Variants in DEPDC1 observed in about 807,000 individuals in gnomAD.
DEPDC1 encodes the protein DEP domain containing 1.
DEPDC1 carries 66 observed loss-of-function variants against 86.8 expected under a neutral mutation model. That is an observed-to-expected ratio of 0.76 (90% CI 0.62 to 0.93). DEPDC1 has a LOEUF of 0.93. Ranked by LOEUF, DEPDC1 falls within the 40% of genes least tolerant of loss-of-function variation. The pLI is 0.00. For synonymous variants in DEPDC1, 255 were observed against 314.9 expected, an observed-to-expected ratio of 0.81 and a Z score of 2.02; for missense variants, 792 against 935.7, an observed-to-expected ratio of 0.85 and a Z score of 2.00.
At chr1:68,483,334 T>C (rs1406045791) in intron 7 of DEPDC1, 1 of 516,662 alleles carries the variant, frequency 1.9e-6, no homozygotes, top group East Asian at 5.5e-5. Context: ...TAGTTACTCA[T>C]AACAAGCCTA....
At position 68,494,448 on chromosome 1, in the gene DEPDC1, T is replaced by C. The variant is rs762606841; in HGVS notation, c.296A>G (p.Asp99Gly). ...KGRWGSENVD[D>G]NNQLFRFPAT... ...TCATTACCTGAAGAGCTGGTTGTTA[T>C]CATCAACATTTTCTGATCCCCACCT... Residue 99 changes from aspartate (D) to glycine (G), a missense_variant, in exon 2 of 12, where the codon GAT (aspartate) becomes GGT (glycine). Physicochemically the swap from Asp to Gly is moderately conservative, Grantham distance 94. Transcript: ENST00000456315. The C allele has an allele frequency of 5.4e-5, 87 of 1,613,348 alleles. No homozygotes were observed. The highest frequency in any genetic ancestry group is 7.3e-5 in the Non-Finnish European group (86 of 1,179,600).
intron 6 of DEPDC1, among the ~76,000 whole-genome samples, chr1:68,484,725 T>C (rs1327419616): frequency 2.0e-5 from 3 of 151,978 alleles, no homozygotes; most frequent in Admixed American, 6.6e-5. Flanking sequence ...GGCCCAGGAC[T>C]TTTAAAGCTA....
chr1:68,491,190 T>C (rs1450498810), intron 2 of DEPDC1, among the ~76,000 whole-genome samples: 1 of 152,178 alleles, frequency 6.6e-6, no homozygotes, highest in African/African-American at 2.4e-5. Flanking sequence ...AAATGGACTG[T>C]AGTTACATGA....
In DEPDC1 at chr1:68,496,858, C is replaced by CGAGGTAAAACTGCGAACGGT; in HGVS notation, c.48+93_48+94insACCGTTCGCAGTTTTACCTC. 7.8e-7 allele frequency: 1 copy of CGAGGTAAAACTGCGAACGGT among 1,285,468 alleles called. No individual in the cohort carries two copies. Among genetic ancestry groups the CGAGGTAAAACTGCGAACGGT allele is most frequent in the Non-Finnish European group, 1.1e-6 (1 of 898,716 alleles). 79.6% of individuals were successfully genotyped at this position (1,285,468 alleles called of 1,614,324 possible). A position where few individuals can be genotyped will look rare whatever the true frequency, so the allele number is the denominator to read the frequency against. On this transcript the variant is annotated intron_variant, in intron 1 of 11. Coordinates refer to ENST00000456315, the MANE Select transcript of DEPDC1 (RefSeq NM_001114120.3). This position sits in a 1 kb window ranked among gnomAD's most constrained non-coding sequence, Gnocchi z 4.0. ...GGGATCCTGGGACTCATCCCTCCGACCGAGGTAAAACTGCGAACGGTCGAG... is the reference window on the plus strand; with the variant it reads ...GGGATCCTGGGACTCATCCCTCCGACGAGGTAAAACTGCGAACGGTCGAGGTAAAACTGCGAACGGTCGAG...
chr1:68,496,349 C>T lies in DEPDC1; in HGVS notation c.48+603G>A, dbSNP rs535839907. On this transcript the variant is annotated intron_variant, in intron 1 of 11. Coordinates refer to ENST00000456315, the MANE Select transcript of DEPDC1 (RefSeq NM_001114120.3). The surrounding 1 kb of genome is among the most constrained non-coding windows in gnomAD (Gnocchi z 4.0). ...ACCAGCACCACAGTATCCTATAGAA[C>T]CGAAGACCCAACTGCACAAAACGCG... 6.6e-6 allele frequency among the ~76,000 whole-genome samples: 1 copy of T among 152,286 alleles called. No homozygotes were observed. The highest frequency in any genetic ancestry group is 1.5e-5 in the Non-Finnish European group (1 of 68,020).
Position 68,494,537 on chromosome 1 carries a change from C to T in DEPDC1, c.207G>A (p.Arg69=), listed in dbSNP as rs905729786. The T allele has an allele frequency of 1.9e-6, 3 of 1,613,678 alleles. No individual in the cohort carries two copies. The highest frequency in any genetic ancestry group is 2.5e-6 in the Non-Finnish European group (3 of 1,179,734). ...TCCTCAACAGTTGGATAGTCTGTTG[C>T]CTTGTAACTTCAGGACCAAAATTGC... ...NNSNFGPEVT[R]QQTIQLLRKF... Residue 69 remains arginine, a synonymous_variant, in exon 2 of 12, where the codon AGG becomes AGA. Transcript: ENST00000456315.
At chr1:68,489,735 A>C in intron 2 of DEPDC1, 127 bp from the exon 3 acceptor site, 1 of 625,164 alleles carries the variant, frequency 1.6e-6, no homozygotes, top group Non-Finnish European at 2.6e-6. Flanking sequence ...AAGATTCTAG[A>C]CAAATAAATT....
At chr1:68,483,793 C>T (rs991029794) in intron 7 of DEPDC1, among the ~76,000 whole-genome samples, 157 bp downstream of exon 7, 5 of 151,856 alleles carry the variant, frequency 3.3e-5, no homozygotes, top group South Asian at 4.1e-4. Context: ...GTTGGCTGGG[C>T]GGAAGTATGA....
intron 2 of DEPDC1, among the ~76,000 whole-genome samples, chr1:68,493,055 A>C (rs1646240046): frequency 6.6e-6 from 1 of 152,192 alleles, no homozygotes; most frequent in South Asian, 2.1e-4. Flanking sequence ...AAGACATGGC[A>C]TGAGATTGCC....
rs999986728 is a variant in DEPDC1 at position 68,475,107 on chromosome 1, A to G, written c.*1825T>C. On this transcript the variant is annotated 3_prime_UTR_variant, in exon 12 of 12. Coordinates refer to ENST00000456315, the MANE Select transcript of DEPDC1 (RefSeq NM_001114120.3). ...TACTATTATAATATTCATTTTATAGATAACAAAACTGGGGCTTAGAGAAGT... is the reference window on the plus strand; with the variant it reads ...TACTATTATAATATTCATTTTATAGGTAACAAAACTGGGGCTTAGAGAAGT... The G allele has an allele frequency of 8.6e-5, 13 of 152,028 alleles. No homozygotes were observed. The highest frequency in any genetic ancestry group is 7.2e-4 in the Admixed American group (11 of 15,248). The allele number at this position is 152,028 out of a possible 1,614,324, so 9.4% of individuals were successfully genotyped here.
rs1157555988 is a variant in DEPDC1, at chr1:68,496,965, C to G, written c.35G>C (p.Arg12Pro). 1.9e-6 allele frequency: 3 copies of G among 1,612,432 alleles called. No individual in the cohort carries two copies. Among genetic ancestry groups the G allele is most frequent in the Non-Finnish European group, 2.5e-6 (3 of 1,179,108 alleles). Residue 12 changes from arginine to proline, a missense_variant, in exon 1 of 12, where the codon CGG (arginine) becomes CCG (proline). Arg to Pro is a moderately radical substitution (Grantham distance 103). Transcript: ENST00000456315. The surrounding 1 kb of genome is among the most constrained non-coding windows in gnomAD (Gnocchi z 4.0). ...GAGCTGTCTTACCAGCTTGGTGGCC[C>G]GATAAGGCCCGGGAGGCACACCCTG... ...ESQGVPPGPY[R>P]ATKLWNEVTT... is the part of the protein sequence containing the mutation.
chr1:68,477,399 G>A (rs1457082864), intron 11 of DEPDC1, among the ~76,000 whole-genome samples: 1 of 151,562 alleles, frequency 6.6e-6, no homozygotes, highest in Admixed American at 6.6e-5. Flanking sequence ...CTTAGAATTA[G>A]ACATGCCAAA....
At chr1:68,477,718 T>C (rs912302841) in intron 11 of DEPDC1, 69 bp downstream of exon 11, 1 of 1,008,916 alleles carries the variant, frequency 9.9e-7, no homozygotes, top group African/African-American at 1.6e-5. Flanking sequence ...AGATTCTAAA[T>C]GTTATTAACA....
In DEPDC1 at chr1:68,482,319, A is replaced by T. The variant is rs756797784; in HGVS notation, c.1489T>A (p.Leu497Met). 4.3e-6 allele frequency: 7 copies of T among 1,612,660 alleles called. No homozygotes were observed. The Admixed American group carries it at 1.0e-4, about 23-fold the overall frequency. ...TTTGACTTGCATTTCCCATTACACA[A>T]CTCCTCTTGGTCTTGAACAGTCAAA... ...STLTVQDQEELCNGKCKSKQL... is the reference protein window; with the variant it reads ...STLTVQDQEEMCNGKCKSKQL... Residue 497 changes from leucine (L) to methionine (M), a missense_variant, in exon 8 of 12, where the codon TTG (leucine) becomes ATG (methionine). Leu to Met is a conservative substitution (Grantham distance 15). Transcript: ENST00000456315.
intron 9 of DEPDC1, among the ~76,000 whole-genome samples, chr1:68,479,542 C>T (rs1191394065): frequency 6.6e-6 from 1 of 151,886 alleles, no homozygotes; most frequent in Non-Finnish European, 1.5e-5. Flanking sequence ...GTGGTTCATG[C>T]CTGTAATCTA....
At position 68,486,412 on chromosome 1, in the gene DEPDC1, C is replaced by A. The variant is rs115909338; in HGVS notation, c.769+525G>T. On this transcript the variant is annotated intron_variant, in intron 6 of 11. Coordinates refer to ENST00000456315, the MANE Select transcript of DEPDC1 (RefSeq NM_001114120.3). ...GGCCTCCTCAGCCATGTTTCCTATACAACCTGTGGAACCATGAGCCAATTA... is the reference window on the plus strand; with the variant it reads ...GGCCTCCTCAGCCATGTTTCCTATAAAACCTGTGGAACCATGAGCCAATTA... Among the ~76,000 whole-genome samples, 1,377 of 152,176 alleles carry A rather than the reference C, an allele frequency of 9.0e-3. 22 individuals are homozygous for A. Among genetic ancestry groups the A allele is most frequent in the African/African-American group, 0.031 (1,284 of 41,530 alleles).
Position 68,477,803 on chromosome 1 carries a change from CT to C in DEPDC1, c.2281del (p.Arg761GlufsTer4), listed in dbSNP as rs1367994259. ...TTCTCTTACCTGTTTTAGTTTTTTTCTTTTCTCCTTTAGAGGTAAACTCCTG... is the reference window on the plus strand; with the variant it reads ...TTCTCTTACCTGTTTTAGTTTTTTTCTTTCTCCTTTAGAGGTAAACTCCTG... ...KNRSLPLKEK[R>X]KKLKQFQKEY... On this transcript the variant is annotated frameshift_variant, in exon 11 of 12. Coordinates refer to ENST00000456315, the MANE Select transcript of DEPDC1 (RefSeq NM_001114120.3). LOFTEE classifies it high-confidence loss of function. The C allele has an allele frequency of 1.3e-6, 2 of 1,509,034 alleles. No individual in the cohort carries two copies. Among genetic ancestry groups the C allele is most frequent in the Non-Finnish European group, 1.8e-6 (2 of 1,125,726 alleles). The allele number at this position is 1,509,034 out of a possible 1,614,324, so 93.5% of individuals were successfully genotyped here.
intron 9 of DEPDC1, among the ~76,000 whole-genome samples, chr1:68,480,043 A>T (rs1259634573): frequency 2.0e-5 from 3 of 152,020 alleles, no homozygotes. Flanking sequence ...TTCTATTCAT[A>T]AGTGGTTGCA....
Position 68,477,786 on chromosome 1 carries a change from C to G in DEPDC1, c.2298+1G>C. On this transcript the variant is annotated splice_donor_variant, in intron 11 of 11. Coordinates refer to ENST00000456315, the MANE Select transcript of DEPDC1 (RefSeq NM_001114120.3). LOFTEE classifies it high-confidence loss of function. The stretch of plus-strand genomic sequence containing the variant: ...GATTGAGAACTTGCTCATTCTCTTA[C>G]CTGTTTTAGTTTTTTTCTTTTCTCC... 6.7e-7 allele frequency: 1 copy of G among 1,494,296 alleles called. No individual in the cohort carries two copies. Among genetic ancestry groups the G allele is most frequent in the Non-Finnish European group, 9.0e-7 (1 of 1,112,792 alleles). The allele number at this position is 1,494,296 out of a possible 1,614,324, so 92.6% of individuals were successfully genotyped here.
Sources: allele counts gnomAD v4.1 joint callset (sites outside exome capture counted in the v4.1 genomes callset), GRCh38; gene constraint gnomAD v4.1.1; non-coding constraint Gnocchi (gnomAD v3.1); transcripts MANE v1.5; gene names NCBI Gene and HGNC (gene_info 2026-07-23, HGNC 2026-07-21).